DNAH1: variants seen among roughly 807,000 people sequenced by gnomAD.
DNAH1 encodes the protein axonemal beta dynein heavy chain 1.
Under a neutral mutation model 484.3 loss-of-function variants are expected in DNAH1, and 327 were observed. The observed-to-expected ratio is 0.68, with a 90% confidence interval of 0.62 to 0.74. The LOEUF (loss-of-function observed/expected upper bound fraction) is 0.74. DNAH1 is among the 30% of genes least tolerant of loss of function. DNAH1 has a pLI of 0.00. For missense variants in DNAH1, 5,052 were observed against 5,546.8 expected (o/e 0.91, Z 2.83); for synonymous variants, 2,192 against 2,191.9 (o/e 1.00, Z 0.00).
chr3:52,388,375 CG>C (rs1559563109), intron 57 of DNAH1, 41 bp downstream of exon 57: 1 of 1,600,536 alleles, frequency 6.2e-7, no homozygotes, highest in Non-Finnish European at 8.5e-7. Context: ...GCTCCCCTCC[CG>C]GGGGTACTTG....
intron 42 of DNAH1, 53 bp downstream of exon 42, chr3:52,372,139 G>A: frequency 1.2e-6 from 2 of 1,610,068 alleles, no homozygotes; most frequent in African/African-American, 1.3e-5. Context: ...TATATTGGGG[G>A]TTGACCAGCC....
intron 46 of DNAH1, 106 bp downstream of exon 46, chr3:52,376,099 A>T: frequency 1.4e-6 from 2 of 1,382,620 alleles, no homozygotes; most frequent in East Asian, 4.8e-5. Context: ...AACCATCCTC[A>T]GGTTCATGCA....
Position 52,375,397 on chromosome 3 carries a change from C to T in DNAH1, c.7143C>T (p.Ile2381=). 2 of 1,613,372 alleles carry T rather than the reference C, an allele frequency of 1.2e-6. No homozygotes were observed. The highest frequency in any genetic ancestry group is 8.5e-7 in the Non-Finnish European group (1 of 1,179,718). ...EVSKKRIFST[I]LGNWLDGLLG... ...GCAAGAAACGCATCTTCTCCACCATCCTGGGCAACTGGTTGGGTGAGTATT... is the reference window on the plus strand; with the variant it reads ...GCAAGAAACGCATCTTCTCCACCATTCTGGGCAACTGGTTGGGTGAGTATT... The change falls in exon 45 of 78, where the codon ATC becomes ATT. Residue 2381 remains isoleucine, a synonymous_variant. Coordinates refer to ENST00000420323, the MANE Select transcript of DNAH1 (RefSeq NM_015512.5).
chr3:52,353,806 A>G lies in DNAH1; in HGVS notation c.3480+173A>G. On this transcript the variant is annotated intron_variant, in intron 20 of 77. Coordinates refer to ENST00000420323, the MANE Select transcript of DNAH1 (RefSeq NM_015512.5). This position sits in a 1 kb window ranked among gnomAD's most constrained non-coding sequence, Gnocchi z 5.0. ...TATTAAGTGAGTTAATAATGCACAT[A>G]AAATTCTTGACAGTGTCCACCATTG... 1.1e-6 allele frequency: 1 copy of G among 875,996 alleles called. No individual in the cohort carries two copies. Among genetic ancestry groups the G allele is most frequent in the Non-Finnish European group, 1.7e-6 (1 of 586,634 alleles). 54.3% of individuals were successfully genotyped at this position (875,996 alleles called of 1,614,324 possible). A position where few individuals can be genotyped will look rare whatever the true frequency, so the allele number is the denominator to read the frequency against.
rs767374145 is a variant in DNAH1 at position 52,396,415 on chromosome 3, G to C, written c.11307G>C (p.Lys3769Asn). Reference sequence around the variant, plus strand: ...GGCTCACCAGCCTGCCCAGCAACAAGTTCCCAGTGTCCATCCTGCAGAACG... The same window carrying C: ...GGCTCACCAGCCTGCCCAGCAACAACTTCCCAGTGTCCATCCTGCAGAACG... ...RLWLTSLPSNKFPVSILQNGS... is the reference protein window; with the variant it reads ...RLWLTSLPSNNFPVSILQNGS... The change falls in exon 71 of 78, where the codon AAG becomes AAC. Residue 3769 changes from lysine (K) to asparagine (N), a missense_variant. Lys to Asn is a moderately conservative substitution (Grantham distance 94). Coordinates refer to ENST00000420323, the MANE Select transcript of DNAH1 (RefSeq NM_015512.5). The C allele has an allele frequency of 3.8e-6, 6 of 1,590,666 alleles. No homozygotes were observed. Among genetic ancestry groups the C allele is most frequent in the Non-Finnish European group, 5.1e-6 (6 of 1,168,972 alleles).
chr3:52,394,734 C>T (rs1419701846), intron 67 of DNAH1, 73 bp downstream of exon 67: 22 of 1,509,892 alleles, frequency 1.5e-5, no homozygotes, highest in Admixed American at 1.1e-4. Context: ...CTTGTCTGGG[C>T]GCCTTCTCTA....
rs79503325 is a variant in DNAH1, at chr3:52,376,442, C to T, written c.7198+449C>T. On this transcript the variant is annotated intron_variant, in intron 46 of 77. Transcript: ENST00000420323. ...TGCCCAGGCCTGCCTCCTCACCCTG[C>T]CTTCAGCTGAAAGAGGCTGTCGAGA... Among the ~76,000 whole-genome samples, 13 of 152,292 alleles carry T rather than the reference C, an allele frequency of 8.5e-5. No individual in the cohort carries two copies. In the East Asian group the frequency reaches 2.5e-3, roughly 29 times the overall value.
intron 44 of DNAH1, chr3:52,374,026 G>A: frequency 9.8e-7 from 1 of 1,016,286 alleles, no homozygotes; most frequent in Non-Finnish European, 1.6e-6. Flanking sequence ...ATATAGCGAA[G>A]AAATATATTG....
In DNAH1 at chr3:52,399,168, C is replaced by A; in HGVS notation, c.12408C>A (p.Val4136=). ...TGCAGAATTTTGCCCGCAAATTTGT[C>A]ATCTCCATTGACACCATCTCCTTTG... is the stretch of plus-strand genomic sequence containing the variant. ...GTLQNFARKF[V]ISIDTISFDF... Residue 4136 remains valine, a synonymous_variant, in exon 76 of 78, where the codon GTC becomes GTA. Transcript: ENST00000420323. 1 of 1,612,988 alleles carries A rather than the reference C, an allele frequency of 6.2e-7. No individual in the cohort carries two copies. Among genetic ancestry groups the A allele is most frequent in the South Asian group, 1.1e-5 (1 of 90,930 alleles).
At chr3:52,338,072 G>A (rs1282475134) in intron 8 of DNAH1, among the ~76,000 whole-genome samples, 3 of 152,046 alleles carry the variant, frequency 2.0e-5, no homozygotes, top group African/African-American at 4.8e-5. Flanking sequence ...GGCATTATAG[G>A]AGTGAGTCAC....
chr3:52,398,384 C>T lies in DNAH1; in HGVS notation c.12089+222C>T, dbSNP rs1037995205. ...GCAACCTCCACCTCCCGGGTTCAAG[C>T]GATTCTCCTGCCTCAGCTTCCTGAA... On this transcript the variant is annotated intron_variant, in intron 75 of 77. Coordinates refer to ENST00000420323, the MANE Select transcript of DNAH1 (RefSeq NM_015512.5). 1.9e-4 allele frequency among the ~76,000 whole-genome samples: 29 copies of T among 152,154 alleles called. 1 individual carries two copies. The highest frequency in any genetic ancestry group is 6.3e-4 in the African/African-American group (26 of 41,418).
In DNAH1 at chr3:52,353,641, G is replaced by T; in HGVS notation, c.3480+8G>T. ...GAGTACGCCATCGAGCAGGTGGGTAGCCACCAGCGGGCCCAGCCACTCCAG... is the reference window on the plus strand; with the variant it reads ...GAGTACGCCATCGAGCAGGTGGGTATCCACCAGCGGGCCCAGCCACTCCAG... On this transcript the variant is annotated splice_region_variant and intron_variant, in intron 20 of 77. Transcript: ENST00000420323. This position sits in a 1 kb window ranked among gnomAD's most constrained non-coding sequence, Gnocchi z 5.0. The T allele has an allele frequency of 6.4e-7, 1 of 1,566,994 alleles. No individual in the cohort carries two copies. Among genetic ancestry groups the T allele is most frequent in the Non-Finnish European group, 8.6e-7 (1 of 1,158,978 alleles).
At position 52,396,499 on chromosome 3, in the gene DNAH1, T is replaced by C. The variant is rs1358268042; in HGVS notation, c.11391T>C (p.Tyr3797=). 6 of 1,609,994 alleles carry C rather than the reference T, an allele frequency of 3.7e-6. No homozygotes were observed. In the East Asian group the frequency reaches 6.7e-5, roughly 18 times the overall value. Residue 3797 remains tyrosine, a synonymous_variant, in exon 71 of 78, where the codon TAT becomes TAC. Coordinates refer to ENST00000420323, the MANE Select transcript of DNAH1 (RefSeq NM_015512.5). ...RGVRANLLKS[Y]SSLGEDFLNS... is the part of the protein sequence containing the mutation. ...TCAGGGCCAACCTGCTGAAGTCCTATAGTAGCCTTGGTGAAGACTTCCTCA... is the reference window on the plus strand; with the variant it reads ...TCAGGGCCAACCTGCTGAAGTCCTACAGTAGCCTTGGTGAAGACTTCCTCA...
chr3:52,344,358 T>A, intron 8 of DNAH1, 132 bp from the exon 9 acceptor site: 1 of 1,090,766 alleles, frequency 9.2e-7, no homozygotes, highest in Non-Finnish European at 1.3e-6. Flanking sequence ...CGGGTGGGGG[T>A]GTGCCCATGA....
At chr3:52,393,144 C>T in intron 65 of DNAH1, 119 bp downstream of exon 65, 1 of 1,429,492 alleles carries the variant, frequency 7.0e-7, no homozygotes, top group African/African-American at 1.4e-5. Flanking sequence ...TCCTCTTAGA[C>T]TCACAATACA....
chr3:52,388,522 G>C lies in DNAH1; in HGVS notation c.9276G>C (p.Gln3092His), dbSNP rs763779318. 8 of 1,612,870 alleles carry C rather than the reference G, an allele frequency of 5.0e-6. No individual in the cohort carries two copies. The African/African-American group carries it at 1.1e-4, about 22-fold the overall frequency. The change falls in exon 58 of 78, where the codon CAG becomes CAC. Residue 3092 changes from glutamine to histidine, a missense_variant. Physicochemically the swap from Gln to His is conservative, Grantham distance 24. This residue lies in a region of DNAH1 where 2,929 missense variants were observed against 3,409.4 expected (regional missense o/e 0.86). Transcript: ENST00000420323. ...REVEDGIATM[Q>H]AKYRECITKK... ...TGGAGGACGGCATCGCCACAATGCA[G>C]GCTAAGTACCGGGAATGCATTACCA...
rs1470873855 is a variant in DNAH1, at chr3:52,355,412, T to A, written c.3693+357T>A. On this transcript the variant is annotated intron_variant, in intron 21 of 77. Coordinates refer to ENST00000420323, the MANE Select transcript of DNAH1 (RefSeq NM_015512.5). This position sits in a 1 kb window ranked among gnomAD's most constrained non-coding sequence, Gnocchi z 4.5. ...CAGTACTGACACTTTCTGGGCCGGA[T>A]GTCCCAAGGTCCCAGAGCACCTCAG... is the stretch of plus-strand genomic sequence containing the variant. Among the ~76,000 whole-genome samples, 7 of 152,382 alleles carry A rather than the reference T, an allele frequency of 4.6e-5. No homozygotes were observed. In the South Asian group the frequency reaches 1.2e-3, roughly 27 times the overall value.
At chr3:52,325,759 C>T (rs553230280) in intron 3 of DNAH1, among the ~76,000 whole-genome samples, 5 of 152,160 alleles carry the variant, frequency 3.3e-5, no homozygotes, top group Non-Finnish European at 5.9e-5. Context: ...GGGGCCTCTG[C>T]AGTAGGGGTG....
intron 7 of DNAH1, among the ~76,000 whole-genome samples, 180 bp downstream of exon 7, chr3:52,331,489 A>G (rs2153223228): frequency 6.6e-6 from 1 of 152,296 alleles, no homozygotes; most frequent in South Asian, 2.1e-4. Flanking sequence ...AGAAAGGGCA[A>G]GTGGCCATTA....
Sources: gnomAD v4.1 joint callset for allele counts (sites outside exome capture counted in the v4.1 genomes callset) on GRCh38, gnomAD v4.1.1 for gene constraint, gnomAD v4.1.1 regional missense constraint, Gnocchi (gnomAD v3.1) non-coding constraint, MANE v1.5 for transcripts, NCBI Gene and HGNC (gene_info 2026-07-23, HGNC 2026-07-21) for gene names.